The following IBTK variants were observed in gnomAD, a reference collection of about 807,000 sequenced individuals.
The protein encoded by IBTK is inhibitor of Bruton tyrosine kinase.
IBTK carries 83 observed loss-of-function variants against 154.9 expected under a neutral mutation model. The observed-to-expected ratio is 0.54, with a 90% CI of 0.45 to 0.64. The LOEUF (loss-of-function observed/expected upper bound fraction) is 0.64, where lower values mean the gene tolerates loss of function less well. Among genes scored for constraint, IBTK ranks in the 30% least tolerant of loss-of-function variants. The pLI is 0.00. For missense variants in IBTK, 1,332 were observed against 1,584.6 expected (o/e 0.84, Z 2.71); for synonymous variants, 515 against 536.1 (o/e 0.96, Z 0.54).
chr6:82,185,473 C>T (rs1768513166), intron 25 of IBTK, among the ~76,000 whole-genome samples: 1 of 151,114 alleles, frequency 6.6e-6, no homozygotes, highest in Non-Finnish European at 1.5e-5. Flanking sequence ...AGGATTGCTT[C>T]AGTCCAGGAG....
intron 6 of IBTK, 60 bp downstream of exon 6, chr6:82,225,417 T>C: frequency 7.5e-7 from 1 of 1,340,300 alleles, no homozygotes; most frequent in Non-Finnish European, 1.0e-6. Flanking sequence ...TTACATTTTT[T>C]TGTTCATACA....
chr6:82,192,955 G>C (rs1361893038), intron 23 of IBTK, among the ~76,000 whole-genome samples: 1 of 148,352 alleles, frequency 6.7e-6, no homozygotes, highest in East Asian at 2.1e-4. Flanking sequence ...AAAATTGGCT[G>C]AGCATGGTGG....
intron 5 of IBTK, 90 bp from the exon 6 acceptor site, chr6:82,225,737 T>G (rs1770272403): frequency 1.1e-6 from 1 of 915,494 alleles, no homozygotes; most frequent in Non-Finnish European, 1.6e-6. Flanking sequence ...TAAAATGACA[T>G]GAAATGACAT....
chr6:82,232,361 CTT>C lies in IBTK; in HGVS notation c.419-521_419-520del, dbSNP rs1256195920. ...TAAATGTTGCAAATGTGATATTACT[CTT>C]TGTACAGGAACACTAACTTTCAATA... On this transcript the variant is annotated intron_variant, in intron 3 of 28. Coordinates refer to ENST00000306270, the MANE Select transcript of IBTK (RefSeq NM_015525.4). 3.3e-5 allele frequency among the ~76,000 whole-genome samples: 5 copies of C among 152,194 alleles called. No homozygotes were observed. The East Asian group carries it at 9.6e-4, about 29-fold the overall frequency.
Position 82,200,240 on chromosome 6 carries a change from T to C in IBTK, c.2926A>G (p.Lys976Glu), listed in dbSNP as rs761783427. ...TTTTTAGCTTTTGTTTTTGCTTTCT[T>C]GAACATAGTTTCCCTAGGAAAAAGC... is the stretch of plus-strand genomic sequence containing the variant. The part of the protein sequence containing the change: ...MEQNHSETMF[K>E]KAKTKAKKKP... Residue 976 changes from lysine to glutamate, a missense_variant, in exon 21 of 29, where the codon AAG becomes GAG. Physicochemically the swap from Lys to Glu is moderately conservative, Grantham distance 56. Coordinates refer to ENST00000306270, the MANE Select transcript of IBTK (RefSeq NM_015525.4). The C allele has an allele frequency of 1.2e-6, 2 of 1,612,104 alleles. No individual in the cohort carries two copies. Among genetic ancestry groups the C allele is most frequent in the Non-Finnish European group, 1.7e-6 (2 of 1,178,362 alleles).
At chr6:82,223,384 G>T (rs1415807262) in intron 8 of IBTK, 56 bp downstream of exon 8, 4 of 1,376,016 alleles carry the variant, frequency 2.9e-6, no homozygotes, top group Non-Finnish European at 4.0e-6. Context: ...TCAGATATTT[G>T]CTGGAAGAGT....
chr6:82,232,202 T>G (rs2127825133), intron 3 of IBTK, among the ~76,000 whole-genome samples: 1 of 152,268 alleles, frequency 6.6e-6, no homozygotes, highest in South Asian at 2.1e-4. Context: ...GGCTGTTTCT[T>G]GTTTCTTTAG....
At position 82,180,054 on chromosome 6, in the gene IBTK, A is replaced by ATAGGCAGGGGCTAATTTGTTCACCG. The variant is rs70984225; in HGVS notation, c.3725+1824_3725+1825insCGGTGAACAAATTAGCCCCTGCCTA. Among the ~76,000 whole-genome samples the ATAGGCAGGGGCTAATTTGTTCACCG allele has an allele frequency of 5.0e-3, 760 of 152,264 alleles. 12 individuals carry two copies. The highest frequency in any genetic ancestry group is 0.017 in the African/African-American group (718 of 41,544). The stretch of plus-strand genomic sequence containing the variant: ...ATAGGCAGGGGCTAATTTGTTCACC[A>ATAGGCAGGGGCTAATTTGTTCACCG]CTGCAACTCTAGTACTTAGCATAAT... On this transcript the variant is annotated intron_variant, in intron 26 of 28. Transcript: ENST00000306270.
intron 19 of IBTK, among the ~76,000 whole-genome samples, chr6:82,201,209 A>C (rs532600043): frequency 1.3e-5 from 2 of 152,244 alleles, no homozygotes; most frequent in Admixed American, 1.3e-4. Flanking sequence ...ATTTATAAAG[A>C]AATTAATAAA....
chr6:82,197,346 A>AT (rs1426580290), intron 21 of IBTK, among the ~76,000 whole-genome samples: 3 of 146,242 alleles, frequency 2.1e-5, no homozygotes, highest in Admixed American at 6.9e-5. Flanking sequence ...ACATTTAAAC[A>AT]TTTTTTTTGC....
chr6:82,211,695 GA>G (rs1159558753), intron 13 of IBTK, 123 bp from the exon 14 acceptor site: 1 of 705,970 alleles, frequency 1.4e-6, no homozygotes, highest in East Asian at 2.7e-5. Context: ...TAACTTGCAG[GA>G]ATACATACAA....
At position 82,194,616 on chromosome 6, in the gene IBTK, A is replaced by G. The variant is rs1029632243; in HGVS notation, c.3201T>C (p.Gly1067=). ...CTTCCCTAGAATACACAGGAGATGTACCATTAACATACGGTTTGACTTTCG... is the reference window on the plus strand; with the variant it reads ...CTTCCCTAGAATACACAGGAGATGTGCCATTAACATACGGTTTGACTTTCG... ...IEAKVKPYVN[G]TSPVYSREDL... Residue 1067 remains glycine (G), a synonymous_variant, in exon 23 of 29, where the codon GGT becomes GGC. Coordinates refer to ENST00000306270, the MANE Select transcript of IBTK (RefSeq NM_015525.4). 1 of 1,597,124 alleles carries G rather than the reference A, an allele frequency of 6.3e-7. No homozygotes were observed. The highest frequency in any genetic ancestry group is 8.5e-7 in the Non-Finnish European group (1 of 1,172,676).
At chr6:82,191,605 C>T (rs1264773043) in intron 24 of IBTK, 182 bp downstream of exon 24, 2 of 672,668 alleles carry the variant, frequency 3.0e-6, no homozygotes, top group African/African-American at 1.8e-5. Flanking sequence ...ATTATCAACT[C>T]AACTCTATCT....
intron 1 of IBTK, among the ~76,000 whole-genome samples, chr6:82,246,180 G>A (rs1771135424): frequency 6.6e-6 from 1 of 152,062 alleles, no homozygotes; most frequent in Non-Finnish European, 1.5e-5. Context: ...TTCAATGCAA[G>A]TAGTATAGTG....
At chr6:82,220,566 A>T (rs1445525334) in intron 9 of IBTK, 24 bp downstream of exon 9, 2 of 1,581,610 alleles carry the variant, frequency 1.3e-6, no homozygotes, top group Admixed American at 3.8e-5. Flanking sequence ...GTAAGATTAC[A>T]CTTTTACATA....
chr6:82,220,656 A>C lies in IBTK; in HGVS notation c.1182T>G (p.Asp394Glu). The C allele has an allele frequency of 2.5e-6, 4 of 1,612,680 alleles. No homozygotes were observed. The highest frequency in any genetic ancestry group is 2.5e-6 in the Non-Finnish European group (3 of 1,179,432). ...VSGGHMEYKVDPEHLKENGGQ... is the reference protein window; with the variant it reads ...VSGGHMEYKVEPEHLKENGGQ... ...CCCCATTTTCTTTCAAATGTTCAGG[A>C]TCAACCTTGTATTCCATATGACCCC... The change falls in exon 9 of 29, where the codon GAT (aspartate) becomes GAG (glutamate). Residue 394 changes from aspartate to glutamate, a missense_variant. Asp to Glu is a conservative substitution (Grantham distance 45). Coordinates refer to ENST00000306270, the MANE Select transcript of IBTK (RefSeq NM_015525.4).
At chr6:82,225,282 C>A (rs1294859583) in intron 6 of IBTK, among the ~76,000 whole-genome samples, 195 bp downstream of exon 6, 1 of 151,898 alleles carries the variant, frequency 6.6e-6, no homozygotes, top group Admixed American at 6.6e-5. Flanking sequence ...TGCACTCCAG[C>A]CTGGGCAACA....
Position 82,211,485 on chromosome 6 carries a change from C to T in IBTK, c.2374+5G>A. ...TAAATCAGCAGCTTTAAAAAGTGCA[C>T]CTACCAAGTCTAGCACAAAGAACAC... On this transcript the variant is annotated splice_donor_5th_base_variant and intron_variant, in intron 14 of 28. Coordinates refer to ENST00000306270, the MANE Select transcript of IBTK (RefSeq NM_015525.4). 3 of 1,611,814 alleles carry T rather than the reference C, an allele frequency of 1.9e-6. No homozygotes were observed. Among genetic ancestry groups the T allele is most frequent in the Non-Finnish European group, 2.5e-6 (3 of 1,178,086 alleles).
chr6:82,197,825 A>T (rs2127806241), intron 21 of IBTK, among the ~76,000 whole-genome samples: 1 of 152,364 alleles, frequency 6.6e-6, no homozygotes, highest in African/African-American at 2.4e-5. Context: ...GTTTTGCTGA[A>T]TGCCGTTTGT....
Sources: allele counts gnomAD v4.1 joint callset (sites outside exome capture counted in the v4.1 genomes callset), GRCh38; gene constraint gnomAD v4.1.1; transcripts MANE v1.5; gene names NCBI Gene and HGNC (gene_info 2026-07-23, HGNC 2026-07-21).